The following PDE11A variants were observed in gnomAD, a reference collection of about 807,000 sequenced individuals.
The protein encoded by PDE11A is dual 3',5'-cyclic-AMP and -GMP phosphodiesterase 11A.
A neutral mutation model predicts 100.5 loss-of-function variants in PDE11A; 100 were observed. The observed-to-expected ratio is 1.00, with a 90% CI of 0.85 to 1.18. PDE11A has a LOEUF of 1.18. Among genes scored for constraint, PDE11A ranks in the 50% most tolerant of loss-of-function variants. The probability of loss-of-function intolerance (pLI) is 0.00; values close to 1 mark genes in which losing one functional copy is unlikely to be tolerated. For missense variants in PDE11A, 1,141 were observed against 1,152.6 expected (o/e 0.99, Z 0.15); for synonymous variants, 381 against 420.8 (o/e 0.91, Z 1.16).
chr2:178,072,718 C>A lies in PDE11A; in HGVS notation c.-281G>T. On this transcript the variant is annotated 5_prime_UTR_variant, in exon 1 of 20. Transcript: ENST00000286063. The stretch of plus-strand genomic sequence containing the variant: ...TGCCCCGGCTCCTGTTCCGGAAACC[C>A]GAGCTATCGCTGCTCCTGTTCTGGC... 1.5e-6 allele frequency: 2 copies of A among 1,371,682 alleles called. No homozygotes were observed. Among genetic ancestry groups the A allele is most frequent in the Non-Finnish European group, 1.9e-6 (2 of 1,059,998 alleles). 85.0% of individuals were successfully genotyped at this position (1,371,682 alleles called of 1,614,324 possible).
intron 12 of PDE11A, among the ~76,000 whole-genome samples, chr2:177,725,287 T>G (rs77276332): frequency 0.02 from 3,034 of 149,722 alleles, 43 homozygotes; most frequent in South Asian, 0.035. Context: ...TTGACCAGAG[T>G]CAAGCTTGGA....
chr2:177,991,997 T>C (rs1255691369), intron 2 of PDE11A, among the ~76,000 whole-genome samples: 2 of 151,370 alleles, frequency 1.3e-5, no homozygotes, highest in African/African-American at 4.9e-5. Flanking sequence ...AACTCATTTA[T>C]AATAATGCTT....
At chr2:177,656,449 T>C (rs2080385585) in intron 19 of PDE11A, among the ~76,000 whole-genome samples, 1 of 151,832 alleles carries the variant, frequency 6.6e-6, no homozygotes, top group Non-Finnish European at 1.5e-5. Flanking sequence ...TTGTCAAAGA[T>C]GCATTTCTCA....
intron 10 of PDE11A, among the ~76,000 whole-genome samples, chr2:177,741,409 C>T (rs1240697678): frequency 2.0e-5 from 3 of 152,166 alleles, no homozygotes; most frequent in African/African-American, 2.4e-5. Flanking sequence ...AATACAGTCA[C>T]GTTCTAAGGT....
intron 12 of PDE11A, among the ~76,000 whole-genome samples, chr2:177,727,142 G>A (rs1270637315): frequency 6.6e-6 from 1 of 151,992 alleles, no homozygotes; most frequent in African/African-American, 2.4e-5. Flanking sequence ...CCCACGGGAC[G>A]AGATTTTAAG....
At chr2:177,775,070 C>T (rs927957898) in intron 9 of PDE11A, among the ~76,000 whole-genome samples, 1 of 152,130 alleles carries the variant, frequency 6.6e-6, no homozygotes, top group African/African-American at 2.4e-5. Context: ...GCCACGAGCA[C>T]AGAATGCAGG....
At chr2:178,053,131 C>A (rs141484770) in intron 1 of PDE11A, among the ~76,000 whole-genome samples, 5,855 of 152,264 alleles carry the variant, frequency 0.038, 403 homozygotes, top group African/African-American at 0.13. Flanking sequence ...TACTGGCAAA[C>A]TGAATCCAGC....
At chr2:177,846,791 G>A (rs925365999) in intron 5 of PDE11A, among the ~76,000 whole-genome samples, 2 of 152,160 alleles carry the variant, frequency 1.3e-5, no homozygotes, top group Non-Finnish European at 2.9e-5. Context: ...GGCTTTCAAT[G>A]GCCCTCCTTC....
chr2:177,729,202 A>C (rs1160641883), intron 10 of PDE11A, among the ~76,000 whole-genome samples: 2 of 152,088 alleles, frequency 1.3e-5, no homozygotes, highest in Non-Finnish European at 2.9e-5. Flanking sequence ...CCATAGGTGG[A>C]GCTTAGTTTT....
At chr2:177,684,575 T>C (rs947582538) in intron 15 of PDE11A, among the ~76,000 whole-genome samples, 4 of 152,224 alleles carry the variant, frequency 2.6e-5, no homozygotes, top group African/African-American at 9.6e-5. Flanking sequence ...GCAGACTTAA[T>C]GGGGTCTGGC....
intron 8 of PDE11A, 65 bp from the exon 9 acceptor site, chr2:177,816,986 G>T: frequency 2.2e-6 from 2 of 928,002 alleles, no homozygotes; most frequent in Non-Finnish European, 3.6e-6. Flanking sequence ...TAATATGAAA[G>T]CAGGCAGCCA....
At chr2:177,719,049 A>G (rs963425412) in intron 12 of PDE11A, among the ~76,000 whole-genome samples, 4 of 152,188 alleles carry the variant, frequency 2.6e-5, no homozygotes, top group African/African-American at 9.6e-5. Flanking sequence ...AAGCTGTCAT[A>G]ACATTGGTTG....
At chr2:178,107,829 C>T (rs1487485725) in intron 1 of PDE11A, among the ~76,000 whole-genome samples, 1 of 146,120 alleles carries the variant, frequency 6.8e-6, no homozygotes, top group Non-Finnish European at 1.5e-5. Flanking sequence ...TCAAGTGATT[C>T]TCCTGCCTCA....
intron 12 of PDE11A, among the ~76,000 whole-genome samples, chr2:177,721,441 T>C (rs1326396597): frequency 1.3e-5 from 2 of 152,106 alleles, no homozygotes; most frequent in Non-Finnish European, 2.9e-5. Context: ...ATACAAATAA[T>C]ATAAGGAAAT....
At chr2:177,843,316 T>A (rs1400332578) in intron 5 of PDE11A, among the ~76,000 whole-genome samples, 2 of 151,900 alleles carry the variant, frequency 1.3e-5, no homozygotes, top group African/African-American at 2.4e-5. Flanking sequence ...TCAGAAGGAG[T>A]TAATGGATAG....
At chr2:177,997,664 GT>G in intron 2 of PDE11A, 3 of 1,544,464 alleles carry the variant, frequency 1.9e-6, no homozygotes, top group Admixed American at 1.7e-5. Context: ...AAATCTTTGA[GT>G]TTTTCTGCAT....
At chr2:177,923,979 G>A (rs2085091416) in intron 2 of PDE11A, among the ~76,000 whole-genome samples, 1 of 152,114 alleles carries the variant, frequency 6.6e-6, no homozygotes, top group Non-Finnish European at 1.5e-5. Flanking sequence ...CTAAGATAAT[G>A]TATAAAAATG....
chr2:178,097,252 T>C (rs538990310), intron 2 of PDE11A, among the ~76,000 whole-genome samples: 6 of 152,278 alleles, frequency 3.9e-5, no homozygotes, highest in Non-Finnish European at 5.9e-5. Flanking sequence ...TTTACTATAC[T>C]AGTCCATTCA....
At position 177,663,650 on chromosome 2, in the gene PDE11A, T is replaced by C. The variant is rs554926031; in HGVS notation, c.2646+216A>G. On this transcript the variant is annotated intron_variant, in intron 19 of 19. Transcript: ENST00000286063. The stretch of plus-strand genomic sequence containing the variant: ...AGGGAGTAGAGGCCCATGGAGATTA[T>C]ATCCTAGAAAGTGGAGAACGCAGGT... Among the ~76,000 whole-genome samples, 68 of 152,248 alleles carry C rather than the reference T, an allele frequency of 4.5e-4. 1 individual carries two copies. The highest frequency in any genetic ancestry group is 1.6e-3 in the African/African-American group (65 of 41,548).
Sources: gnomAD v4.1 joint callset for allele counts (sites outside exome capture counted in the v4.1 genomes callset) on GRCh38, gnomAD v4.1.1 for gene constraint, MANE v1.5 for transcripts, NCBI Gene and HGNC (gene_info 2026-07-23, HGNC 2026-07-21) for gene names.